Variants in CREB5 observed in about 807,000 individuals in gnomAD.
CREB5 encodes the protein cyclic AMP-responsive element-binding protein 5.
In CREB5, 19 loss-of-function variants were observed where a neutral mutation model predicts 57.1. The ratio of observed to expected loss-of-function variants is 0.33; its 90% confidence interval spans 0.23 to 0.49. The LOEUF is 0.49. Among genes scored for constraint, CREB5 ranks in the 20% least tolerant of loss-of-function variants. The pLI is 0.99. For synonymous variants in CREB5, 238 were observed against 238.3 expected (o/e 1.00, Z 0.01); for missense variants, 579 against 671.6 (o/e 0.86, Z 1.52).
At chr7:28,700,515 A>G (rs1398682662) in intron 5 of CREB5, among the ~76,000 whole-genome samples, 1 of 152,186 alleles carries the variant, frequency 6.6e-6, no homozygotes, top group East Asian at 1.9e-4. Context: ...TTTAACAACA[A>G]CAACAAAAAA....
chr7:28,749,412 C>T (rs1804855070), intron 7 of CREB5: 1 of 152,258 alleles, frequency 6.6e-6, no homozygotes, highest in African/African-American at 2.4e-5. Context: ...ATCTGAGTCA[C>T]TCTTACTTCC....
chr7:28,623,042 C>G (rs935344988), intron 5 of CREB5, among the ~76,000 whole-genome samples: 2 of 152,014 alleles, frequency 1.3e-5, no homozygotes, highest in Admixed American at 6.6e-5. Flanking sequence ...ACCACCATGC[C>G]CGGCTAATTT....
chr7:28,761,956 T>G (rs2128770247), intron 7 of CREB5, among the ~76,000 whole-genome samples: 1 of 152,244 alleles, frequency 6.6e-6, no homozygotes, highest in Non-Finnish European at 1.5e-5. Context: ...GATAAAGTAG[T>G]GTGAAACATG....
intron 7 of CREB5, among the ~76,000 whole-genome samples, chr7:28,757,362 A>G (rs957501816): frequency 2.0e-5 from 3 of 152,312 alleles, no homozygotes; most frequent in Admixed American, 6.5e-5. Flanking sequence ...CAACATGAGG[A>G]AAGAAACCTA....
intron 10 of CREB5, 22 bp downstream of exon 10, chr7:28,818,201 T>G: frequency 6.5e-7 from 1 of 1,545,658 alleles, no homozygotes; most frequent in South Asian, 1.1e-5. Context: ...ACTTTTTCAC[T>G]TTTCTTTAGT....
intron 1 of CREB5, among the ~76,000 whole-genome samples, chr7:28,471,036 C>G (rs147744025): frequency 9.5e-4 from 145 of 152,240 alleles, no homozygotes; most frequent in African/African-American, 3.0e-3. Context: ...TGTCTTTTCA[C>G]TTTGCTGATT....
intron 7 of CREB5, among the ~76,000 whole-genome samples, chr7:28,758,260 G>A (rs887400405): frequency 3.9e-5 from 6 of 152,204 alleles, no homozygotes; most frequent in African/African-American, 1.4e-4. Context: ...TGCCTCTCAG[G>A]ATGTTCACAT....
rs77272611 is a variant in CREB5 at position 28,631,602 on chromosome 7, C to T, written c.464+61065C>T. ...GAAGTCTCCCTCTGTTCCTCTATCA[C>T]CCAGGCTGGAGTGCAGTGGCAGCGT... is the stretch of plus-strand genomic sequence containing the variant. On this transcript the variant is annotated intron_variant, in intron 5 of 10. Coordinates refer to ENST00000357727, the MANE Select transcript of CREB5 (RefSeq NM_182898.4). Among the ~76,000 whole-genome samples, 8 of 152,248 alleles carry T rather than the reference C, an allele frequency of 5.3e-5. No homozygotes were observed. The East Asian group carries it at 1.5e-3, about 29-fold the overall frequency.
chr7:28,671,353 G>A (rs971071794), intron 5 of CREB5, among the ~76,000 whole-genome samples: 12 of 151,872 alleles, frequency 7.9e-5, no homozygotes, highest in Middle Eastern at 3.4e-3. Flanking sequence ...TTAAAAATAC[G>A]TTTCCTGCTT....
intron 1 of CREB5, among the ~76,000 whole-genome samples, chr7:28,341,877 G>A (rs1785943900): frequency 6.6e-6 from 1 of 152,298 alleles, no homozygotes; most frequent in Middle Eastern, 3.4e-3. Context: ...TTTCTTGAAA[G>A]TCAGCAGTGA....
chr7:28,305,701 C>T (rs929601193), intron 1 of CREB5, among the ~76,000 whole-genome samples: 6 of 150,464 alleles, frequency 4.0e-5, no homozygotes, highest in Non-Finnish European at 5.9e-5. Context: ...TATCATCTGT[C>T]TTCTTGTTTT....
chr7:28,757,302 A>T (rs1805380392), intron 7 of CREB5, among the ~76,000 whole-genome samples: 1 of 152,124 alleles, frequency 6.6e-6, no homozygotes, highest in African/African-American at 2.4e-5. Flanking sequence ...GAGCAGCCAC[A>T]CTCCTAGAGT....
intron 4 of CREB5, among the ~76,000 whole-genome samples, chr7:28,530,315 G>A (rs1793665141): frequency 6.6e-6 from 1 of 152,154 alleles, no homozygotes; most frequent in Non-Finnish European, 1.5e-5. Flanking sequence ...GCTGTGTGCA[G>A]CTTATCAAAG....
At chr7:28,365,790 A>G (rs1433841015) in intron 1 of CREB5, among the ~76,000 whole-genome samples, 1 of 152,144 alleles carries the variant, frequency 6.6e-6, no homozygotes, top group Non-Finnish European at 1.5e-5. Flanking sequence ...TCCCTCTTTA[A>G]AATATTTTTT....
intron 1 of CREB5, among the ~76,000 whole-genome samples, chr7:28,365,743 A>C (rs1244435661): frequency 6.6e-6 from 1 of 151,944 alleles, no homozygotes; most frequent in African/African-American, 2.4e-5. Context: ...ATGCATTCCC[A>C]TTTTACCTCT....
intron 3 of CREB5, among the ~76,000 whole-genome samples, chr7:28,504,570 G>A (rs1473466643): frequency 1.3e-5 from 2 of 152,162 alleles, no homozygotes; most frequent in African/African-American, 4.8e-5. Context: ...AATGAGAGAA[G>A]GGAATAAACC....
In CREB5 at chr7:28,475,738, G is replaced by A. The variant is rs547969120; in HGVS notation, c.4-12437G>A. On this transcript the variant is annotated intron_variant, in intron 1 of 10. Transcript: ENST00000357727. ...TCTGAACTCTCCTTTCTTCCTGCCT[G>A]GCTGGGGTTCAGATTGCAGGGACAG... Among the ~76,000 whole-genome samples the A allele has an allele frequency of 1.4e-4, 21 of 152,240 alleles. No individual in the cohort carries two copies. In the South Asian group the frequency reaches 4.1e-3, roughly 30 times the overall value.
chr7:28,353,784 A>T (rs7805378), intron 1 of CREB5, among the ~76,000 whole-genome samples: 3 of 149,856 alleles, frequency 2.0e-5, no homozygotes, highest in Non-Finnish European at 3.0e-5. Flanking sequence ...CGGAGCTTGC[A>T]GTGAGCAGAG....
At chr7:28,318,048 TA>T (rs944539844) in intron 1 of CREB5, among the ~76,000 whole-genome samples, 1 of 152,242 alleles carries the variant, frequency 6.6e-6, no homozygotes, top group African/African-American at 2.4e-5. Context: ...AAATTTCCAA[TA>T]AATTCTTATA....
Sources: allele counts gnomAD v4.1 joint callset (sites outside exome capture counted in the v4.1 genomes callset), GRCh38; gene constraint gnomAD v4.1.1; transcripts MANE v1.5; gene names NCBI Gene and HGNC (gene_info 2026-07-23, HGNC 2026-07-21).